The following CHN2 variants were observed in gnomAD, a reference collection of about 807,000 sequenced individuals.
CHN2 encodes beta-chimaerin.
Under a neutral mutation model 56.3 loss-of-function variants are expected in CHN2, and 35 were observed. The ratio of observed to expected loss-of-function variants is 0.62; its 90% CI spans 0.47 to 0.82. CHN2 has a LOEUF of 0.82. Ranked by LOEUF, CHN2 falls within the 40% of genes least tolerant of loss-of-function variation. The pLI is 0.00. For synonymous variants in CHN2, 210 were observed against 212.8 expected, an observed-to-expected ratio of 0.99 and a Z score of 0.12; for missense variants, 491 against 580.5, an observed-to-expected ratio of 0.85 and a Z score of 1.58.
chr7:29,210,310 A>G (rs1784819058), intron 1 of CHN2, among the ~76,000 whole-genome samples: 1 of 151,940 alleles, frequency 6.6e-6, no homozygotes, highest in African/African-American at 2.4e-5. Flanking sequence ...TTCAGTCTTC[A>G]CTCTTAGTAA....
chr7:29,360,150 C>T (rs901255125), intron 2 of CHN2, among the ~76,000 whole-genome samples: 1 of 152,228 alleles, frequency 6.6e-6, no homozygotes. Context: ...TGAAACCCCT[C>T]AGTGTGTGGG....
intron 1 of CHN2, among the ~76,000 whole-genome samples, chr7:29,273,377 A>ATATATATATATATATATATATGTG (rs1562882108): frequency 3.8e-5 from 2 of 52,406 alleles, no homozygotes; most frequent in African/African-American, 8.4e-5. Flanking sequence ...ATATATATAT[A>ATATATATATATATATATATATGTG]TATATATATA....
intron 1 of CHN2, among the ~76,000 whole-genome samples, chr7:29,219,162 G>C (rs1785578030): frequency 6.6e-6 from 1 of 152,098 alleles, no homozygotes; most frequent in Non-Finnish European, 1.5e-5. Flanking sequence ...TAGAGCCAAG[G>C]CCAAATTATA....
intron 1 of CHN2, among the ~76,000 whole-genome samples, chr7:29,275,198 TAA>T (rs142924162): frequency 0.012 from 1,825 of 152,360 alleles, 17 homozygotes; most frequent in Middle Eastern, 0.041. Context: ...AGTATACGTA[TAA>T]GTTTCTTAAA....
intron 1 of CHN2, chr7:29,332,996 A>C (rs558609369): frequency 6.6e-6 from 1 of 152,204 alleles, no homozygotes; most frequent in Admixed American, 6.5e-5. Context: ...GGATAACGGC[A>C]TGGAGTATTC....
rs1485291364 is a variant in CHN2 at position 29,499,952 on chromosome 7, C to T, written c.825C>T (p.Tyr275=). The T allele has an allele frequency of 4.1e-5, 66 of 1,612,288 alleles. No homozygotes were observed. Among genetic ancestry groups the T allele is most frequent in the Non-Finnish European group, 5.5e-5 (65 of 1,179,400 alleles). The change falls in exon 9 of 13, where the codon TAC becomes TAT. Residue 275 remains tyrosine (Y), a synonymous_variant. Transcript: ENST00000222792. ...QPDLKRIKKV[Y]CCDLTTLVKA... ...ATCTCAAGAGGATCAAGAAAGTGTACTGTTGTGACCTCACAACACTTGTGA... is the reference window on the plus strand; with the variant it reads ...ATCTCAAGAGGATCAAGAAAGTGTATTGTTGTGACCTCACAACACTTGTGA...
chr7:29,373,362 A>C (rs1390087615), intron 3 of CHN2, among the ~76,000 whole-genome samples: 2 of 151,854 alleles, frequency 1.3e-5, no homozygotes, highest in Non-Finnish European at 2.9e-5. Context: ...TTAAGTAGAC[A>C]CAGGCTTTTA....
At position 29,512,178 on chromosome 7, in the gene CHN2, A is replaced by AGG. The variant is rs199935530; in HGVS notation, c.1236-384_1236-383dup. Among the ~76,000 whole-genome samples, 244 of 143,370 alleles carry AGG rather than the reference A, an allele frequency of 1.7e-3. 2 individuals carry two copies. Among genetic ancestry groups the AGG allele is most frequent in the African/African-American group, 5.1e-3 (203 of 39,758 alleles). The allele number at this position is 143,370 out of a possible 152,430, so 94.1% of individuals were successfully genotyped here. On this transcript the variant is annotated intron_variant, in intron 12 of 12. Transcript: ENST00000222792. ...ATACAGACCAGCAGGAAGCCACAAGAGGGAAAAAAAAAACGCCTTCTGTAT... is the reference window on the plus strand; with the variant it reads ...ATACAGACCAGCAGGAAGCCACAAGAGGGGGAAAAAAAAAACGCCTTCTGTAT...
intron 6 of CHN2, among the ~76,000 whole-genome samples, chr7:29,425,884 A>C (rs1192662625): frequency 6.6e-6 from 1 of 152,234 alleles, no homozygotes; most frequent in Admixed American, 6.5e-5. Context: ...TGTGGTATTT[A>C]ACTCTTGGGA....
intron 4 of CHN2, among the ~76,000 whole-genome samples, chr7:29,393,932 T>A (rs1801541078): frequency 6.6e-6 from 1 of 152,174 alleles, no homozygotes; most frequent in African/African-American, 2.4e-5. Flanking sequence ...TGCGCTACTT[T>A]TCCCTCCACA....
intron 1 of CHN2, among the ~76,000 whole-genome samples, chr7:29,229,554 C>T (rs1047174952): frequency 3.3e-5 from 5 of 152,106 alleles, no homozygotes; most frequent in African/African-American, 7.2e-5. Context: ...TTTTCATTTT[C>T]GTTTGGTTTA....
chr7:29,465,905 A>G (rs537300002), intron 6 of CHN2, among the ~76,000 whole-genome samples: 5 of 152,322 alleles, frequency 3.3e-5, no homozygotes, highest in African/African-American at 9.6e-5. Context: ...ATTCCAAACC[A>G]TTATTGAAAT....
intron 1 of CHN2, among the ~76,000 whole-genome samples, chr7:29,299,228 C>T (rs1793448629): frequency 6.6e-6 from 1 of 152,126 alleles, no homozygotes; most frequent in Non-Finnish European, 1.5e-5. Flanking sequence ...CTCCGGGGAC[C>T]CCTTTCTACT....
rs539348079 is a variant in CHN2, at chr7:29,317,314, G to A, written c.50-37311G>A. On this transcript the variant is annotated intron_variant, in intron 1 of 12. Coordinates refer to ENST00000222792, the MANE Select transcript of CHN2 (RefSeq NM_004067.4). ...TTTCTCTGGAGTTTTAAATTGGTAC[G>A]AGTAATGATGACTGTGGAAAAAAAA... Among the ~76,000 whole-genome samples the A allele has an allele frequency of 8.5e-5, 13 of 152,326 alleles. 1 individual carries two copies. In the South Asian group the frequency reaches 1.5e-3, roughly 17 times the overall value.
At chr7:29,231,173 A>T (rs1786671471) in intron 1 of CHN2, among the ~76,000 whole-genome samples, 1 of 152,122 alleles carries the variant, frequency 6.6e-6, no homozygotes, top group Admixed American at 6.5e-5. Flanking sequence ...TCTGTACATC[A>T]CTGTGTATCT....
chr7:29,472,470 C>T (rs1362364), intron 6 of CHN2, among the ~76,000 whole-genome samples: 98,728 of 152,034 alleles, frequency 0.65, 32,129 homozygotes, highest in East Asian at 0.77. Flanking sequence ...GCTGCGTGTT[C>T]CTGGATCTGG....
At chr7:29,354,886 T>A (rs1425043826) in intron 2 of CHN2, among the ~76,000 whole-genome samples, 1 of 152,058 alleles carries the variant, frequency 6.6e-6, no homozygotes, top group Non-Finnish European at 1.5e-5. Context: ...TCAAAAATGC[T>A]TAGAAAAGAG....
chr7:29,360,695 G>A lies in CHN2; in HGVS notation c.88+6032G>A, dbSNP rs549278924. Among the ~76,000 whole-genome samples, 6 of 152,256 alleles carry A rather than the reference G, an allele frequency of 3.9e-5. No individual in the cohort carries two copies. The East Asian group carries it at 7.7e-4, about 20-fold the overall frequency. On this transcript the variant is annotated intron_variant, in intron 2 of 12. Coordinates refer to ENST00000222792, the MANE Select transcript of CHN2 (RefSeq NM_004067.4). The stretch of plus-strand genomic sequence containing the variant: ...GTGAGCAGGGTCATACTGGCTCAGC[G>A]TCATGGCCAAGTGCCTGGGTTCAGC...
chr7:29,459,859 C>G (rs1351090188), intron 6 of CHN2, among the ~76,000 whole-genome samples: 1 of 152,116 alleles, frequency 6.6e-6, no homozygotes, highest in Admixed American at 6.6e-5. Flanking sequence ...CCATTAGAAA[C>G]CAGGCAACCA....
Sources: allele counts gnomAD v4.1 joint callset (sites outside exome capture counted in the v4.1 genomes callset), GRCh38; gene constraint gnomAD v4.1.1; transcripts MANE v1.5; gene names NCBI Gene and HGNC (gene_info 2026-07-23, HGNC 2026-07-21).